RIT2: variants seen among roughly 807,000 people sequenced by gnomAD.
RIT2 encodes Ras like without CAAX 2, also known as GTP-binding protein Rit2.
Under a neutral mutation model 23.7 loss-of-function variants are expected in RIT2, and 24 were observed. The observed-to-expected ratio is 1.01, with a 90% CI of 0.73 to 1.43. The LOEUF is 1.43. RIT2 is among the 40% of genes most tolerant of loss of function. The probability of loss-of-function intolerance (pLI) is 0.00; values close to 1 mark genes in which losing one functional copy is unlikely to be tolerated. For synonymous variants in RIT2, 107 were observed against 91.1 expected, an observed-to-expected ratio of 1.17 and a Z score of -0.99; for missense variants, 236 against 266.9, an observed-to-expected ratio of 0.88 and a Z score of 0.81.
Position 42,846,697 on chromosome 18 carries a change from T to C in RIT2, c.426+76875A>G, listed in dbSNP as rs1178956697. On this transcript the variant is annotated intron_variant, in intron 4 of 4. Transcript: ENST00000326695. ...AGAAGGAAGAAAAAGTAAACAATTA[T>C]ATCAATAGATGCAAAATACTTCAAT... Among the ~76,000 whole-genome samples, 7 of 152,246 alleles carry C rather than the reference T, an allele frequency of 4.6e-5. No homozygotes were observed. In the South Asian group the frequency reaches 8.3e-4, roughly 18 times the overall value.
At chr18:42,875,765 T>C (rs2144070447) in intron 4 of RIT2, among the ~76,000 whole-genome samples, 1 of 152,198 alleles carries the variant, frequency 6.6e-6, no homozygotes, top group African/African-American at 2.4e-5. Flanking sequence ...CAAATCTTTC[T>C]ATCCTGTGTT....
intron 4 of RIT2, among the ~76,000 whole-genome samples, chr18:42,902,857 A>T (rs1908513056): frequency 6.6e-6 from 1 of 151,956 alleles, no homozygotes; most frequent in South Asian, 2.1e-4. Context: ...CAGTAATTAT[A>T]GGCAAATGGA....
At position 42,898,714 on chromosome 18, in the gene RIT2, A is replaced by C. The variant is rs574987367; in HGVS notation, c.426+24858T>G. Among the ~76,000 whole-genome samples, 205 of 152,238 alleles carry C rather than the reference A, an allele frequency of 1.3e-3. 1 individual carries two copies. Among genetic ancestry groups the C allele is most frequent in the African/African-American group, 4.5e-3 (187 of 41,540 alleles). ...GATTCTGGTTTACGGATTCCATGTG[A>C]TCATCACTTCCTTTTAGTTATCTTC... On this transcript the variant is annotated intron_variant, in intron 4 of 4. Coordinates refer to ENST00000326695, the MANE Select transcript of RIT2 (RefSeq NM_002930.4).
At chr18:43,020,420 A>T (rs1193658916) in intron 2 of RIT2, among the ~76,000 whole-genome samples, 1 of 152,188 alleles carries the variant, frequency 6.6e-6, no homozygotes, top group South Asian at 2.1e-4. Flanking sequence ...TGGGAGGCGG[A>T]GGTTGCAGTG....
chr18:42,983,782 A>T (rs373759709), intron 2 of RIT2, among the ~76,000 whole-genome samples: 1 of 152,114 alleles, frequency 6.6e-6, no homozygotes, highest in South Asian at 2.1e-4. Context: ...GCCTTAAATA[A>T]GTACAAATTA....
intron 4 of RIT2, among the ~76,000 whole-genome samples, chr18:42,873,646 C>T (rs1430083083): frequency 6.6e-6 from 1 of 151,960 alleles, no homozygotes; most frequent in East Asian, 1.9e-4. Flanking sequence ...GATGAGAATA[C>T]ATTAACACGG....
chr18:42,915,293 G>A (rs1197785842), intron 4 of RIT2, among the ~76,000 whole-genome samples: 1 of 151,984 alleles, frequency 6.6e-6, no homozygotes, highest in Non-Finnish European at 1.5e-5. Flanking sequence ...AAAGGGTATA[G>A]AGACCTGAAA....
chr18:42,968,843 C>A (rs1159047052), intron 3 of RIT2, among the ~76,000 whole-genome samples: 2 of 152,056 alleles, frequency 1.3e-5, no homozygotes, highest in Admixed American at 1.3e-4. Flanking sequence ...TAACAGGATA[C>A]CTGTATTCGA....
At chr18:42,832,951 G>A (rs1052199886) in intron 4 of RIT2, among the ~76,000 whole-genome samples, 2 of 151,204 alleles carry the variant, frequency 1.3e-5, no homozygotes, top group African/African-American at 4.9e-5. Flanking sequence ...CTAGTAGGGA[G>A]GCTGAGGCAG....
chr18:43,008,883 T>C (rs1911285351), intron 2 of RIT2, among the ~76,000 whole-genome samples: 1 of 151,724 alleles, frequency 6.6e-6, no homozygotes, highest in Non-Finnish European at 1.5e-5. Flanking sequence ...ATTTTTATTT[T>C]CTAGCTATAG....
intron 3 of RIT2, among the ~76,000 whole-genome samples, chr18:42,962,531 T>C (rs535212635): frequency 6.6e-6 from 1 of 152,306 alleles, no homozygotes; most frequent in African/African-American, 2.4e-5. Context: ...CCAGAACCAC[T>C]AACAGACGTG....
chr18:43,035,604 C>T (rs1468875929), intron 1 of RIT2, among the ~76,000 whole-genome samples: 1 of 152,160 alleles, frequency 6.6e-6, no homozygotes, highest in African/African-American at 2.4e-5. Flanking sequence ...GAGAGCATCC[C>T]TTACCCTTGA....
chr18:43,013,644 T>G (rs1911403769), intron 2 of RIT2, among the ~76,000 whole-genome samples: 1 of 151,806 alleles, frequency 6.6e-6, no homozygotes. Flanking sequence ...AGTATTAGGC[T>G]TATATGATTC....
chr18:43,035,532 C>T (rs764571155), intron 1 of RIT2, among the ~76,000 whole-genome samples: 1 of 152,088 alleles, frequency 6.6e-6, no homozygotes, highest in African/African-American at 2.4e-5. Context: ...CCTAAACTTT[C>T]GTACTTCCAT....
intron 4 of RIT2, among the ~76,000 whole-genome samples, chr18:42,868,508 AT>A (rs1907532811): frequency 1.3e-5 from 2 of 152,354 alleles, no homozygotes; most frequent in East Asian, 1.9e-4. Flanking sequence ...AACAAACATT[AT>A]TTTTAATTTC....
intron 2 of RIT2, among the ~76,000 whole-genome samples, chr18:42,986,506 T>G (rs1214501334): frequency 6.6e-6 from 1 of 152,008 alleles, no homozygotes; most frequent in Non-Finnish European, 1.5e-5. Context: ...GCATTTTATT[T>G]ATTTATTTAT....
chr18:43,032,770 A>T (rs914545296), intron 2 of RIT2, among the ~76,000 whole-genome samples: 1 of 152,112 alleles, frequency 6.6e-6, no homozygotes, highest in Admixed American at 6.6e-5. Flanking sequence ...AAAAATAAGT[A>T]TGTTTTATAT....
chr18:42,797,040 G>C (rs1905386134), intron 4 of RIT2, among the ~76,000 whole-genome samples: 1 of 152,042 alleles, frequency 6.6e-6, no homozygotes, highest in South Asian at 2.1e-4. Context: ...CAAGGAATAA[G>C]AACTTCATAA....
At chr18:43,055,232 C>T (rs1361190883) in intron 1 of RIT2, among the ~76,000 whole-genome samples, 1 of 152,112 alleles carries the variant, frequency 6.6e-6, no homozygotes, top group Non-Finnish European at 1.5e-5. Context: ...TGAGAACTAG[C>T]CATATTCTTA....
Sources: gnomAD v4.1 joint callset for allele counts (sites outside exome capture counted in the v4.1 genomes callset) on GRCh38, gnomAD v4.1.1 for gene constraint, MANE v1.5 for transcripts, NCBI Gene and HGNC (gene_info 2026-07-23, HGNC 2026-07-21) for gene names.